PROM1: variants seen among roughly 807,000 people sequenced by gnomAD.
PROM1 encodes prominin-1.
In PROM1, 105 loss-of-function variants were observed where a neutral mutation model predicts 116.9. The ratio of observed to expected loss-of-function variants is 0.90; its 90% CI spans 0.77 to 1.06. PROM1 has a LOEUF of 1.06. PROM1 is among the 50% of genes least tolerant of loss of function. The pLI, the probability that PROM1 is intolerant of heterozygous loss-of-function variation, is 0.00. For synonymous variants in PROM1, 393 were observed against 387.0 expected (o/e 1.02, Z -0.18); for missense variants, 1,122 against 1,045.2 (o/e 1.07, Z -1.01).
chr4:15,969,650 G>A (rs907388497), intron 27 of PROM1, among the ~76,000 whole-genome samples: 1 of 152,072 alleles, frequency 6.6e-6, no homozygotes, highest in Non-Finnish European at 1.5e-5. Context: ...GCAATGGCGC[G>A]ATCTCAGCTC....
intron 26 of PROM1, among the ~76,000 whole-genome samples, chr4:15,974,198 T>C (rs964336170): frequency 5.9e-5 from 9 of 151,644 alleles, no homozygotes; most frequent in South Asian, 2.1e-4. Flanking sequence ...TAGTGATCCA[T>C]GAAAGGCCAG....
intron 1 of PROM1, among the ~76,000 whole-genome samples, chr4:16,081,459 G>A (rs1023607193): frequency 4.6e-5 from 7 of 152,266 alleles, no homozygotes; most frequent in Middle Eastern, 6.8e-3. Flanking sequence ...CAGGACATAG[G>A]CATGGGCAAG....
In PROM1 at chr4:16,035,752, C is replaced by CA; in HGVS notation, c.285dup (p.Val96CysfsTer11). 2 of 1,613,566 alleles carry CA rather than the reference C, an allele frequency of 1.2e-6. No homozygotes were observed. Among genetic ancestry groups the CA allele is most frequent in the Non-Finnish European group, 1.7e-6 (2 of 1,179,598 alleles). ...GACTTTACCTTTAGACCTAAGATTA[C>CA]AGTTTCTGGCTGTAGAAGTCAACGC... On this transcript the variant is annotated frameshift_variant, in exon 4 of 28. Transcript: ENST00000447510. LOFTEE classifies it high-confidence loss of function.
chr4:16,003,951 G>C (rs761145700), intron 13 of PROM1, among the ~76,000 whole-genome samples: 4 of 152,108 alleles, frequency 2.6e-5, no homozygotes, highest in Non-Finnish European at 4.4e-5. Context: ...TGATTGGATG[G>C]TGTCACCATT....
At chr4:15,970,973 A>G (rs556767309) in intron 27 of PROM1, 70 bp downstream of exon 27, 10 of 1,188,102 alleles carry the variant, frequency 8.4e-6, no homozygotes, top group Non-Finnish European at 9.7e-6. Flanking sequence ...AGGAATAGCT[A>G]TGTTTTGATG....
chr4:15,977,478 A>G (rs923354194), intron 26 of PROM1, among the ~76,000 whole-genome samples: 3 of 152,178 alleles, frequency 2.0e-5, no homozygotes, highest in African/African-American at 7.2e-5. Context: ...CTCTCCCCAG[A>G]GCACACCTGG....
intron 18 of PROM1, among the ~76,000 whole-genome samples, chr4:15,990,615 C>T (rs745492571): frequency 3.3e-5 from 5 of 152,082 alleles, no homozygotes; most frequent in Non-Finnish European, 5.9e-5. Flanking sequence ...TGAGGGTGCC[C>T]GCACTCAGAG....
At chr4:16,072,054 A>G (rs920095604) in intron 2 of PROM1, among the ~76,000 whole-genome samples, 7 of 152,136 alleles carry the variant, frequency 4.6e-5, no homozygotes, top group Non-Finnish European at 1.0e-4. Context: ...CATTTATGAA[A>G]TACCCACAGC....
intron 2 of PROM1, among the ~76,000 whole-genome samples, chr4:16,068,808 G>T (rs1342797889): frequency 1.3e-5 from 2 of 152,064 alleles, no homozygotes; most frequent in Non-Finnish European, 2.9e-5. Context: ...TGGAAACAAG[G>T]CTTAACTCCC....
chr4:16,080,992 A>C (rs1337038985), intron 1 of PROM1, among the ~76,000 whole-genome samples: 1 of 151,720 alleles, frequency 6.6e-6, no homozygotes, highest in Non-Finnish European at 1.5e-5. Flanking sequence ...CCACTTACCT[A>C]AGCCACCCAG....
intron 2 of PROM1, among the ~76,000 whole-genome samples, chr4:16,063,041 A>G (rs1740703358): frequency 6.6e-6 from 1 of 152,206 alleles, no homozygotes; most frequent in Non-Finnish European, 1.5e-5. Flanking sequence ...AAAAGATACA[A>G]CCAGAAACTA....
intron 1 of PROM1, among the ~76,000 whole-genome samples, chr4:16,077,644 G>C (rs981607719): frequency 1.3e-5 from 2 of 151,852 alleles, no homozygotes; most frequent in Admixed American, 6.6e-5. Context: ...TTAACCATGC[G>C]GCCAAGAGTC....
chr4:16,045,818 C>A (rs1394157200), intron 2 of PROM1, among the ~76,000 whole-genome samples: 1 of 152,066 alleles, frequency 6.6e-6, no homozygotes, highest in Non-Finnish European at 1.5e-5. Context: ...AAAATCATGA[C>A]CAAATACAGT....
At chr4:16,060,576 T>C (rs1740090765) in intron 2 of PROM1, among the ~76,000 whole-genome samples, 1 of 151,506 alleles carries the variant, frequency 6.6e-6, no homozygotes, top group South Asian at 2.1e-4. Context: ...AAAAAAAATA[T>C]GTGTGTGTGT....
At chr4:16,010,323 C>T (rs182993266) in intron 11 of PROM1, among the ~76,000 whole-genome samples, 183 of 152,208 alleles carry the variant, frequency 1.2e-3, no homozygotes, top group African/African-American at 4.3e-3. Flanking sequence ...CACGGACATA[C>T]TAAGAACACA....
At chr4:16,006,456 G>A (rs569928566) in intron 13 of PROM1, 82 bp downstream of exon 13, 32 of 1,444,946 alleles carry the variant, frequency 2.2e-5, no homozygotes, top group East Asian at 5.0e-5. Context: ...AGAGGGCGCC[G>A]GGTTCATGTA....
At chr4:16,050,131 G>A (rs1234105745) in intron 2 of PROM1, among the ~76,000 whole-genome samples, 12 of 151,832 alleles carry the variant, frequency 7.9e-5, no homozygotes, top group Admixed American at 7.9e-4. Context: ...CGCGGTGGTG[G>A]GCACCTATAA....
chr4:16,067,940 TAGAAAAAGA>T (rs1741907583), intron 2 of PROM1, among the ~76,000 whole-genome samples: 1 of 151,876 alleles, frequency 6.6e-6, no homozygotes, highest in South Asian at 2.1e-4. Flanking sequence ...AGAATTGGGA[TAGAAAAAGA>T]AAGAACTCCC....
intron 2 of PROM1, among the ~76,000 whole-genome samples, chr4:16,051,992 T>A (rs1425824941): frequency 6.6e-6 from 1 of 152,056 alleles, no homozygotes; most frequent in Non-Finnish European, 1.5e-5. Flanking sequence ...AAACCCCAAA[T>A]GAAAAGGGAG....
Sources: gnomAD v4.1 joint callset for allele counts (sites outside exome capture counted in the v4.1 genomes callset) on GRCh38, gnomAD v4.1.1 for gene constraint, MANE v1.5 for transcripts, NCBI Gene and HGNC (gene_info 2026-07-23, HGNC 2026-07-21) for gene names.